BRWD3: variants seen among roughly 807,000 people sequenced by gnomAD.
BRWD3 encodes bromodomain and WD repeat domain containing 3.
A neutral mutation model predicts 149.7 loss-of-function variants in BRWD3; 10 were observed. The observed-to-expected ratio is 0.07, with a 90% CI of 0.04 to 0.11. The LOEUF (loss-of-function observed/expected upper bound fraction) is 0.11, where lower values mean the gene tolerates loss of function less well. Among genes scored for constraint, BRWD3 ranks in the 10% least tolerant of loss-of-function variants. The pLI is 1.00. For missense variants in BRWD3, 940 were observed against 1,373.2 expected, an observed-to-expected ratio of 0.68 and a Z score of 4.99; for synonymous variants, 504 against 456.7, an observed-to-expected ratio of 1.10 and a Z score of -1.32.
chrX:80,773,580 T>C (rs761073348), intron 6 of BRWD3, among the ~76,000 whole-genome samples: 3 of 111,778 alleles, frequency 2.7e-5, no homozygotes, highest in African/African-American at 9.8e-5. Context: ...CTAAGCTAAC[T>C]AAGCTAGCTC....
chrX:80,809,493 G>T lies in BRWD3; in HGVS notation c.-22C>A. 8.8e-7 allele frequency: 1 copy of T among 1,138,127 alleles called. No individual in the cohort carries two copies. The highest frequency in any genetic ancestry group is 1.2e-6 in the Non-Finnish European group (1 of 850,367). The allele number at this position is 1,138,127 out of a possible 1,213,427, so 93.8% of individuals were successfully genotyped here. A position where few individuals can be genotyped will look rare whatever the true frequency, so the allele number is the denominator to read the frequency against. ...CCATCCTTTTCCCGAGGGGGTTTGG[G>T]GGCTTCGCTCCGGAGGGGCTGGCGG... On this transcript the variant is annotated 5_prime_UTR_variant, in exon 1 of 41. Coordinates refer to ENST00000373275, the MANE Select transcript of BRWD3 (RefSeq NM_153252.5).
intron 24 of BRWD3, among the ~76,000 whole-genome samples, chrX:80,702,172 T>C (rs2147712413): frequency 8.9e-6 from 1 of 112,511 alleles, no homozygotes; most frequent in South Asian, 3.6e-4. Flanking sequence ...AAAGTGTATG[T>C]TTGCCTTTAT....
Position 80,676,122 on chromosome X carries a change from A to G in BRWD3, c.*487T>C. 1 of 120,574 alleles carries G rather than the reference A, an allele frequency of 8.3e-6. No individual in the cohort carries two copies. Among genetic ancestry groups the G allele is most frequent in the Non-Finnish European group, 1.7e-5 (1 of 57,150 alleles). The allele number at this position is 120,574 out of a possible 1,213,427, so 9.9% of individuals were successfully genotyped here. ...CTGTAAACATTTAATAGCTGCCTTT[A>G]GGATTGGTGTATTGTGCAAAAGTTA... On this transcript the variant is annotated 3_prime_UTR_variant, in exon 41 of 41. Transcript: ENST00000373275.
chrX:80,753,767 A>G (rs2073702527), intron 6 of BRWD3, among the ~76,000 whole-genome samples: 1 of 111,799 alleles, frequency 8.9e-6, no homozygotes, highest in Non-Finnish European at 1.9e-5. Flanking sequence ...AGCACTGTTT[A>G]TAGTAGAGGG....
Position 80,722,648 on chromosome X carries a change from T to C in BRWD3, c.1790A>G (p.His597Arg). 1.7e-6 allele frequency: 2 copies of C among 1,211,542 alleles called. No individual in the cohort carries two copies. Among genetic ancestry groups the C allele is most frequent in the Non-Finnish European group, 2.2e-6 (2 of 895,322 alleles). The change falls in exon 17 of 41, where the codon CAT (histidine) becomes CGT (arginine). Residue 597 changes from histidine to arginine, a missense_variant. Physicochemically the swap from His to Arg is conservative, Grantham distance 29. This residue lies in a region of BRWD3 where 209 missense variants were observed against 396.8 expected (regional missense o/e 0.53). Transcript: ENST00000373275. ...TACCAACCGTTGGAATTTTGTGGGA[T>C]GAGGATTTCCATCAACATCCACCAA... ...PFLVDVDGNP[H>R]PTKFQRLVPG...
At chrX:80,784,991 A>G in intron 6 of BRWD3, among the ~76,000 whole-genome samples, 2 of 112,239 alleles carry the variant, frequency 1.8e-5, no homozygotes, top group Middle Eastern at 9.3e-3. Context: ...ACTAAAACAT[A>G]CTTTTAAAAC....
chrX:80,727,433 T>C (rs1455487457), intron 14 of BRWD3, among the ~76,000 whole-genome samples: 1 of 111,094 alleles, frequency 9.0e-6, no homozygotes, highest in Non-Finnish European at 1.9e-5. Flanking sequence ...GTTTCTGCTC[T>C]CTGTGATATA....
intron 4 of BRWD3, 133 bp from the exon 5 acceptor site, chrX:80,793,905 G>A (rs761763777): frequency 5.5e-5 from 39 of 703,973 alleles, no homozygotes; most frequent in Non-Finnish European, 7.5e-5. Flanking sequence ...AGGCCTGGGC[G>A]CGATGGCTCA....
chrX:80,725,924 A>G (rs1201927064), intron 14 of BRWD3, among the ~76,000 whole-genome samples: 3 of 111,492 alleles, frequency 2.7e-5, no homozygotes, highest in East Asian at 2.8e-4. Flanking sequence ...TGCCTATATG[A>G]CATAACTTGT....
In BRWD3 at chrX:80,735,155, G is replaced by T. The variant is rs746783547; in HGVS notation, c.957C>A (p.Val319=). 56 of 1,205,343 alleles carry T rather than the reference G, an allele frequency of 4.6e-5. No homozygotes were observed. Among genetic ancestry groups the T allele is most frequent in the Middle Eastern group, 2.3e-4 (1 of 4,364 alleles). ...VKFTERSRPG[V]QISCSSFSSG... ...AACTGAAAGATGAACAAGATATCTG[G>T]ACTCCAGGTCTGGATCTCTCAGTAA... The change falls in exon 10 of 41, where the codon GTC becomes GTA. Residue 319 remains valine (V), a synonymous_variant. Transcript: ENST00000373275.
At chrX:80,738,795 C>A (rs1294920248) in intron 8 of BRWD3, among the ~76,000 whole-genome samples, 1 of 111,751 alleles carries the variant, frequency 8.9e-6, no homozygotes, top group African/African-American at 3.3e-5. Flanking sequence ...AGAGCAAAGG[C>A]AGCCATGTAC....
Position 80,682,626 on chromosome X carries a change from G to C in BRWD3, c.4236C>G (p.Ile1412Met), listed in dbSNP as rs1240264814. The C allele has an allele frequency of 1.7e-6, 2 of 1,204,246 alleles. No homozygotes were observed. The highest frequency in any genetic ancestry group is 3.5e-5 in the African/African-American group (2 of 57,076). The change falls in exon 38 of 41, where the codon ATC becomes ATG. Residue 1412 changes from isoleucine to methionine, a missense_variant and splice_region_variant. Around this residue, in one of 6 missense-constraint regions of BRWD3, gnomAD observed 349 missense variants for 419.6 expected, o/e 0.83. Transcript: ENST00000373275. ...CAGATAATCGCAGCATCATGCTATA[G>C]ATCTGAGAAGGCAGAAATTATATAG... ...KAYTSNKKSR[I>M]YSMMLRLSAL...
intron 6 of BRWD3, among the ~76,000 whole-genome samples, chrX:80,758,126 G>A (rs372203281): frequency 1.8e-5 from 2 of 111,316 alleles, no homozygotes; most frequent in East Asian, 5.6e-4. Flanking sequence ...TTGAACCTGG[G>A]AGGCGGAGGT....
chrX:80,755,128 T>C, intron 6 of BRWD3, among the ~76,000 whole-genome samples: 1 of 112,162 alleles, frequency 8.9e-6, no homozygotes, highest in Admixed American at 9.5e-5. Flanking sequence ...GATTTGTAAA[T>C]GTTGAACCAT....
intron 4 of BRWD3, among the ~76,000 whole-genome samples, chrX:80,801,667 C>G (rs1026159745): frequency 9.2e-6 from 1 of 108,250 alleles, no homozygotes; most frequent in Non-Finnish European, 1.9e-5. Context: ...ATGGTGAAAC[C>G]CCACGTCTAC....
intron 6 of BRWD3, among the ~76,000 whole-genome samples, chrX:80,775,850 A>G (rs1189044882): frequency 8.9e-6 from 1 of 112,307 alleles, no homozygotes; most frequent in Admixed American, 9.5e-5. Context: ...TTATATTTTC[A>G]TAACATTTTA....
intron 4 of BRWD3, among the ~76,000 whole-genome samples, chrX:80,803,485 G>GA (rs201088235): frequency 3.9e-4 from 43 of 109,443 alleles, no homozygotes; most frequent in Admixed American, 3.9e-4. Context: ...CCCATCTGTG[G>GA]AAAAAAAAAT....
chrX:80,764,208 TA>T (rs1362412720), intron 6 of BRWD3, among the ~76,000 whole-genome samples: 2 of 112,290 alleles, frequency 1.8e-5, no homozygotes, highest in African/African-American at 6.5e-5. Flanking sequence ...CTTACAGAAT[TA>T]AACTCAAAAT....
chrX:80,707,967 C>T (rs916578630), intron 21 of BRWD3, among the ~76,000 whole-genome samples: 1 of 112,215 alleles, frequency 8.9e-6, no homozygotes, highest in African/African-American at 3.2e-5. Context: ...TCTATACCCT[C>T]ACCCACTGCC....
Sources: allele counts gnomAD v4.1 joint callset (sites outside exome capture counted in the v4.1 genomes callset), GRCh38; gene constraint gnomAD v4.1.1; regional missense constraint gnomAD v4.1.1; transcripts MANE v1.5; gene names NCBI Gene and HGNC (gene_info 2026-07-23, HGNC 2026-07-21).